The following GRXCR1 variants were observed in gnomAD, a reference collection of about 807,000 sequenced individuals.
GRXCR1 encodes the protein glutaredoxin domain-containing cysteine-rich protein 1.
A neutral mutation model predicts 27.3 loss-of-function variants in GRXCR1; 27 were observed. The observed-to-expected ratio is 0.99, with a 90% CI of 0.73 to 1.37. The LOEUF (loss-of-function observed/expected upper bound fraction) is 1.37. GRXCR1 is among the 40% of genes most tolerant of loss of function. The pLI is 0.00. For missense variants in GRXCR1, 379 were observed against 354.4 expected (o/e 1.07, Z -0.56); for synonymous variants, 122 against 131.1 (o/e 0.93, Z 0.47).
At chr4:43,011,005 G>C in intron 2 of GRXCR1, among the ~76,000 whole-genome samples, 1 of 152,116 alleles carries the variant, frequency 6.6e-6, no homozygotes, top group South Asian at 2.1e-4. Context: ...GAGGAGACAG[G>C]ATTTCATGTG....
rs1560638593 is a variant in GRXCR1, at chr4:42,893,401, A to G, written c.135A>G (p.Glu45=). The G allele has an allele frequency of 6.2e-7, 1 of 1,613,810 alleles. No individual in the cohort carries two copies. The highest frequency in any genetic ancestry group is 1.7e-5 in the Admixed American group (1 of 59,980). Residue 45 remains glutamate (E), a synonymous_variant, in exon 1 of 4, where the codon GAA becomes GAG. Transcript: ENST00000399770. ...DGQPSGSLDS[E]CASICGIDGL... is the part of the protein sequence containing the mutation. ...AACCGTCAGGCTCTCTGGATTCTGA[A>G]TGTGCCAGTATCTGTGGGATAGATG... is the stretch of plus-strand genomic sequence containing the variant.
At chr4:42,902,869 C>T (rs1310513451) in intron 1 of GRXCR1, among the ~76,000 whole-genome samples, 2 of 152,148 alleles carry the variant, frequency 1.3e-5, no homozygotes, top group East Asian at 3.9e-4. Context: ...TGAAGAATGA[C>T]TCTAACACAT....
At chr4:42,987,002 A>ATGTG (rs36224914) in intron 2 of GRXCR1, among the ~76,000 whole-genome samples, 29,552 of 140,660 alleles carry the variant, frequency 0.21, 3,050 homozygotes, top group Middle Eastern at 0.25. Context: ...AGATATGTGT[A>ATGTG]TGTGTGTGTG....
intron 1 of GRXCR1, among the ~76,000 whole-genome samples, chr4:42,946,802 T>C (rs1747754642): frequency 6.6e-6 from 1 of 152,164 alleles, no homozygotes; most frequent in African/African-American, 2.4e-5. Context: ...AGGATTAAAT[T>C]TCAACATATG....
chr4:43,004,354 A>G (rs1560684491), intron 2 of GRXCR1, among the ~76,000 whole-genome samples: 1 of 152,102 alleles, frequency 6.6e-6, no homozygotes, highest in Admixed American at 6.5e-5. Context: ...CTACTAGGGA[A>G]CTGCAGAAGG....
chr4:42,987,248 AAT>A (rs1553943940), intron 2 of GRXCR1, among the ~76,000 whole-genome samples: 71 of 67,542 alleles, frequency 1.1e-3, no homozygotes, highest in African/African-American at 3.6e-3. Flanking sequence ...TATAATATAT[AAT>A]ATATATATAT....
intron 1 of GRXCR1, among the ~76,000 whole-genome samples, chr4:42,909,343 A>G (rs1746666581): frequency 6.6e-6 from 1 of 152,162 alleles, no homozygotes; most frequent in Non-Finnish European, 1.5e-5. Flanking sequence ...TGAAGACTAC[A>G]AATTAAGGCT....
At chr4:42,983,869 T>C in intron 2 of GRXCR1, among the ~76,000 whole-genome samples, 1 of 149,228 alleles carries the variant, frequency 6.7e-6, no homozygotes, top group African/African-American at 2.5e-5. Context: ...AGAGTCTCAC[T>C]CTGTCACCTG....
At chr4:43,008,576 G>C (rs925716178) in intron 2 of GRXCR1, among the ~76,000 whole-genome samples, 6 of 152,276 alleles carry the variant, frequency 3.9e-5, no homozygotes, top group African/African-American at 1.4e-4. Context: ...TATAATACTA[G>C]TAAAAGTAAT....
intron 2 of GRXCR1, among the ~76,000 whole-genome samples, chr4:43,019,736 TA>T (rs1471489559): frequency 6.6e-6 from 1 of 152,162 alleles, no homozygotes; most frequent in Admixed American, 6.5e-5. Context: ...TACCTGTGTT[TA>T]AATTTTCTCT....
chr4:43,019,360 C>A (rs897376164), intron 2 of GRXCR1, among the ~76,000 whole-genome samples: 2 of 151,986 alleles, frequency 1.3e-5, no homozygotes, highest in African/African-American at 4.8e-5. Flanking sequence ...TTAAATGAGT[C>A]CTGCTTGGCA....
At chr4:42,914,186 CT>C (rs1746832956) in intron 1 of GRXCR1, among the ~76,000 whole-genome samples, 1 of 152,196 alleles carries the variant, frequency 6.6e-6, no homozygotes. Context: ...CCTCCAATCC[CT>C]AGAGTGATAG....
intron 1 of GRXCR1, among the ~76,000 whole-genome samples, chr4:42,919,286 C>G (rs184049133): frequency 1.3e-5 from 2 of 152,144 alleles, no homozygotes; most frequent in East Asian, 3.9e-4. Context: ...AATCCATGAC[C>G]AGGGGTTCTT....
chr4:42,984,649 C>T lies in GRXCR1; in HGVS notation c.627+21515C>T, dbSNP rs532989563. Reference sequence around the variant, plus strand: ...CACAGTTCTGGGACAGGCTAGAAGCCTGGGGGCTGCTGGGACTGGCTTGGT... The same window carrying T: ...CACAGTTCTGGGACAGGCTAGAAGCTTGGGGGCTGCTGGGACTGGCTTGGT... On this transcript the variant is annotated intron_variant, in intron 2 of 3. Coordinates refer to ENST00000399770, the MANE Select transcript of GRXCR1 (RefSeq NM_001080476.3). Among the ~76,000 whole-genome samples the T allele has an allele frequency of 7.9e-5, 12 of 152,288 alleles. No homozygotes were observed. In the South Asian group the frequency reaches 2.5e-3, roughly 32 times the overall value.
In GRXCR1 at chr4:42,893,538, G is replaced by T. The variant is rs113203706; in HGVS notation, c.272G>T (p.Gly91Val). The T allele has an allele frequency of 4.4e-3, 7,104 of 1,613,854 alleles. 39 individuals are homozygous for T. The highest frequency in any genetic ancestry group is 0.011 in the Middle Eastern group (66 of 6,062). ...TTAGCAAGGGCTGCCAGTGAGAAGG[G>T]TTTTGGTACAAGAAGAGTCAACATT... ...LVLARAASEK[G>V]FGTRRVNILS... The change falls in exon 1 of 4, where the codon GGT becomes GTT. Residue 91 changes from glycine (G) to valine (V), a missense_variant. Coordinates refer to ENST00000399770, the MANE Select transcript of GRXCR1 (RefSeq NM_001080476.3).
At chr4:42,994,877 A>AT (rs1272191110) in intron 2 of GRXCR1, among the ~76,000 whole-genome samples, 1 of 152,022 alleles carries the variant, frequency 6.6e-6, no homozygotes, top group African/African-American at 2.4e-5. Context: ...ATTTTCTTTA[A>AT]TTTTTTATTG....
chr4:43,000,583 G>C (rs28574611), intron 2 of GRXCR1, among the ~76,000 whole-genome samples: 1 of 151,302 alleles, frequency 6.6e-6, no homozygotes, highest in African/African-American at 2.4e-5. Flanking sequence ...TGCAAGAGTT[G>C]TGATGCTGGA....
intron 1 of GRXCR1, among the ~76,000 whole-genome samples, chr4:42,939,830 G>T (rs1396599365): frequency 6.6e-6 from 1 of 151,968 alleles, no homozygotes; most frequent in Non-Finnish European, 1.5e-5. Flanking sequence ...CCTTCACAGT[G>T]TTTGCCCAGG....
Position 42,926,911 on chromosome 4 carries a change from A to T in GRXCR1, c.384+33261A>T, listed in dbSNP as rs749727764. On this transcript the variant is annotated intron_variant, in intron 1 of 3. Coordinates refer to ENST00000399770, the MANE Select transcript of GRXCR1 (RefSeq NM_001080476.3). ...TTAATTCAGCTTATGCATATTGAGCATCTACTAAGTTTTGCAACACAGCTT... is the reference window on the plus strand; with the variant it reads ...TTAATTCAGCTTATGCATATTGAGCTTCTACTAAGTTTTGCAACACAGCTT... Among the ~76,000 whole-genome samples, 16 of 152,056 alleles carry T rather than the reference A, an allele frequency of 1.1e-4. 1 individual carries two copies. Among genetic ancestry groups the T allele is most frequent in the Non-Finnish European group, 2.2e-4 (15 of 67,968 alleles).
Sources: gnomAD v4.1 joint callset for allele counts (sites outside exome capture counted in the v4.1 genomes callset) on GRCh38, gnomAD v4.1.1 for gene constraint, MANE v1.5 for transcripts, NCBI Gene and HGNC (gene_info 2026-07-23, HGNC 2026-07-21) for gene names.